Variants in DMD observed in about 807,000 individuals in gnomAD.
The protein encoded by DMD is dystrophin.
DMD carries 63 observed loss-of-function variants against 330.1 expected under a neutral mutation model. That is an observed-to-expected ratio of 0.19 (90% confidence interval 0.16 to 0.24). The LOEUF (loss-of-function observed/expected upper bound fraction) is 0.24, where lower values mean the gene tolerates loss of function less well. DMD is among the 10% of genes least tolerant of loss of function. The probability of loss-of-function intolerance (pLI) is 1.00; values close to 1 mark genes in which losing one functional copy is unlikely to be tolerated. For synonymous variants in DMD, 1,223 were observed against 959.8 expected (o/e 1.27, Z -5.07); for missense variants, 3,344 against 2,684.1 (o/e 1.25, Z -5.43).
chrX:32,691,526 G>A (rs1048459907), intron 9 of DMD, among the ~76,000 whole-genome samples: 1 of 111,505 alleles, frequency 9.0e-6, no homozygotes, highest in Non-Finnish European at 1.9e-5. Context: ...TAGTAAGGAT[G>A]TGGAATAATT....
At chrX:32,833,734 A>T (rs926323253) in intron 4 of DMD, among the ~76,000 whole-genome samples, 8 of 108,684 alleles carry the variant, frequency 7.4e-5, no homozygotes, top group Non-Finnish European at 1.3e-4. Context: ...TAAAAATCTT[A>T]AAAGATACTT....
chrX:31,717,879 C>G (rs754233787), intron 52 of DMD, among the ~76,000 whole-genome samples: 6 of 111,954 alleles, frequency 5.4e-5, no homozygotes, highest in Non-Finnish European at 1.9e-5. Flanking sequence ...TTCCTTTCCT[C>G]GACCAGTTCT....
intron 30 of DMD, among the ~76,000 whole-genome samples, chrX:32,399,932 G>A (rs915117866): frequency 1.9e-4 from 21 of 111,362 alleles, no homozygotes; most frequent in Non-Finnish European, 3.0e-4. Context: ...CTCTTTTCCT[G>A]ATTGAACACC....
chrX:31,358,174 A>T (rs1333598766), intron 60 of DMD, among the ~76,000 whole-genome samples: 1 of 106,288 alleles, frequency 9.4e-6, no homozygotes, highest in Admixed American at 1.0e-4. Flanking sequence ...CCAAATGCTC[A>T]TAAGACTTTC....
chrX:32,793,543 G>GAAA (rs539553963), intron 7 of DMD, among the ~76,000 whole-genome samples: 24 of 101,333 alleles, frequency 2.4e-4, no homozygotes, highest in African/African-American at 8.5e-4. Flanking sequence ...GACTAACCAA[G>GAAA]AAAAAAAAAA....
intron 43 of DMD, among the ~76,000 whole-genome samples, chrX:32,280,029 T>TATATATATGTACCCCAC (rs1430970281): frequency 1.9e-5 from 2 of 103,337 alleles, no homozygotes; most frequent in East Asian, 6.0e-4. Flanking sequence ...ACCCCACATA[T>TATATATATGTACCCCAC]ATATATACCC....
intron 43 of DMD, among the ~76,000 whole-genome samples, chrX:32,271,331 A>G (rs1055447722): frequency 1.8e-5 from 2 of 112,523 alleles, no homozygotes; most frequent in Non-Finnish European, 3.8e-5. Flanking sequence ...GTCATTTCCT[A>G]CAAGTATCTA....
chrX:31,807,431 G>A (rs1379155482), intron 50 of DMD, among the ~76,000 whole-genome samples: 1 of 111,095 alleles, frequency 9.0e-6, no homozygotes, highest in Admixed American at 9.6e-5. Context: ...ACCTTGAATT[G>A]ACAGTTACAG....
chrX:31,987,772 C>T (rs2095519710), intron 44 of DMD, among the ~76,000 whole-genome samples: 1 of 111,706 alleles, frequency 9.0e-6, no homozygotes, highest in Admixed American at 9.5e-5. Context: ...TTATGGAGGA[C>T]GGTATGGAGG....
At chrX:31,737,873 A>G (rs1270733452) in intron 51 of DMD, among the ~76,000 whole-genome samples, 1 of 111,864 alleles carries the variant, frequency 8.9e-6, no homozygotes, top group African/African-American at 3.2e-5. Flanking sequence ...GGAAAGACAG[A>G]CATGAACAAA....
At chrX:31,342,327 A>G (rs2057819154) in intron 61 of DMD, among the ~76,000 whole-genome samples, 1 of 112,131 alleles carries the variant, frequency 8.9e-6, no homozygotes, top group Admixed American at 9.5e-5. Context: ...ACATTAAGGC[A>G]AAGATTCACT....
intron 51 of DMD, among the ~76,000 whole-genome samples, chrX:31,748,885 T>G (rs1180185200): frequency 9.0e-6 from 1 of 111,587 alleles, no homozygotes; most frequent in Non-Finnish European, 1.9e-5. Context: ...GCCCATATCC[T>G]CCTTTTCCAG....
At chrX:31,451,827 A>G (rs1188826070) in intron 59 of DMD, among the ~76,000 whole-genome samples, 1 of 101,559 alleles carries the variant, frequency 9.8e-6, no homozygotes, top group Non-Finnish European at 2.0e-5. Context: ...TGCCATTGAA[A>G]CGTACTTTAA....
chrX:31,173,854 C>T (rs892383903), intron 71 of DMD, among the ~76,000 whole-genome samples: 1 of 111,783 alleles, frequency 8.9e-6, no homozygotes, highest in East Asian at 2.8e-4. Flanking sequence ...CTGGAAAATT[C>T]CCATCGTAGA....
In DMD at chrX:31,945,686, GA is replaced by G. The variant is rs1283079958; in HGVS notation, c.6615-13460del. ...TTAATGCAAACCATACATATATATA[GA>G]AAAAAATTAAGATTGTTAGGAGAGT... is the stretch of plus-strand genomic sequence containing the variant. On this transcript the variant is annotated intron_variant, in intron 45 of 78. Transcript: ENST00000357033. 8.1e-5 allele frequency among the ~76,000 whole-genome samples: 9 copies of G among 111,529 alleles called. No individual in the cohort carries two copies. The Admixed American group carries it at 8.6e-4, about 11-fold the overall frequency.
chrX:31,771,599 T>C (rs1185298934), intron 51 of DMD, among the ~76,000 whole-genome samples: 1 of 109,845 alleles, frequency 9.1e-6, no homozygotes, highest in East Asian at 2.8e-4. Flanking sequence ...GGTCCAGGAT[T>C]CAAGTGATTC....
At chrX:31,693,502 CAT>C (rs1228779199) in intron 52 of DMD, among the ~76,000 whole-genome samples, 1 of 111,633 alleles carries the variant, frequency 9.0e-6, no homozygotes, top group Non-Finnish European at 1.9e-5. Context: ...TTGCTGATGA[CAT>C]AATCTTATAC....
At chrX:32,234,343 A>G (rs2097179998) in intron 43 of DMD, among the ~76,000 whole-genome samples, 1 of 112,038 alleles carries the variant, frequency 8.9e-6, no homozygotes, top group African/African-American at 3.3e-5. Context: ...TTGAAGAAGG[A>G]AAGTGAAATT....
intron 7 of DMD, among the ~76,000 whole-genome samples, chrX:32,730,249 G>C (rs763071352): frequency 4.2e-4 from 47 of 112,427 alleles, no homozygotes; most frequent in African/African-American, 1.5e-3. Context: ...AGGAGGCTGA[G>C]CTAGAAGGAT....
Sources: gnomAD v4.1 joint callset for allele counts (sites outside exome capture counted in the v4.1 genomes callset) on GRCh38, gnomAD v4.1.1 for gene constraint, MANE v1.5 for transcripts, NCBI Gene and HGNC (gene_info 2026-07-23, HGNC 2026-07-21) for gene names.